The following ABCC10 variants were observed in gnomAD, a reference collection of about 807,000 sequenced individuals.
ABCC10 encodes ATP binding cassette subfamily C member 10.
In ABCC10, 110 loss-of-function variants were observed where a neutral mutation model predicts 143.2. The observed-to-expected ratio is 0.77, with a 90% CI of 0.66 to 0.90. The LOEUF (loss-of-function observed/expected upper bound fraction) is 0.90. Among genes scored for constraint, ABCC10 ranks in the 40% least tolerant of loss-of-function variants. ABCC10 has a pLI of 0.00. For synonymous variants in ABCC10, 805 were observed against 846.7 expected (o/e 0.95, Z 0.85); for missense variants, 1,700 against 1,900.5 (o/e 0.89, Z 1.96).
In ABCC10 at chr6:43,438,636, T is replaced by A. The variant is rs1360725675; in HGVS notation, c.1968T>A (p.His656Gln). ...IAGELHRLRGHVAVRGLSKGF... is the reference protein window; with the variant it reads ...IAGELHRLRGQVAVRGLSKGF... ...TGGCTCTCTGCAGGCTGCGTGGGCA[T>A]GTGGCAGTGCGGGGGCTGTCCAAGG... Residue 656 changes from histidine to glutamine, a missense_variant, in exon 8 of 22, where the codon CAT becomes CAA. Physicochemically the swap from His to Gln is conservative, Grantham distance 24. Coordinates refer to ENST00000372530, the MANE Select transcript of ABCC10 (RefSeq NM_001198934.2). 20 of 1,613,918 alleles carry A rather than the reference T, an allele frequency of 1.2e-5. No homozygotes were observed. Among genetic ancestry groups the A allele is most frequent in the Non-Finnish European group, 1.6e-5 (19 of 1,180,034 alleles).
At chr6:43,450,840 G>C (rs1311019867), downstream of ABCC10, 1 of 1,614,186 alleles carries the variant, frequency 6.2e-7, no homozygotes, top group Non-Finnish European at 8.5e-7. This position sits in a 1 kb window ranked among gnomAD's most constrained non-coding sequence, Gnocchi z 4.5. Context: ...CAGCAGACCA[G>C]CCCCTGCGCT....
At chr6:43,435,037 G>C in intron 4 of ABCC10, 189 bp downstream of exon 4, 4 of 608,864 alleles carry the variant, frequency 6.6e-6, no homozygotes, top group Non-Finnish European at 8.6e-6. Flanking sequence ...CTGTGAAGGA[G>C]TTCCTTTCTT....
chr6:43,449,936 A>G lies in ABCC10; in HGVS notation c.4324A>G (p.Thr1442Ala), dbSNP rs1296210620. The change falls in exon 22 of 22, where the codon ACG becomes GCG. Residue 1442 changes from threonine to alanine, a missense_variant. By Grantham distance (58) the Thr-to-Ala change is moderately conservative. Coordinates refer to ENST00000372530, the MANE Select transcript of ABCC10 (RefSeq NM_001198934.2). ...CCATCTTCCCCCTCACAGGCTCAAC[A>G]CGATCCTGAACTCAGACCGGGTGCT... ...TVLTIAHRLN[T>A]ILNSDRVLVL... is the part of the protein sequence containing the mutation. 1 of 1,613,950 alleles carries G rather than the reference A, an allele frequency of 6.2e-7. No individual in the cohort carries two copies. The highest frequency in any genetic ancestry group is 1.7e-5 in the Admixed American group (1 of 60,010).
intron 18 of ABCC10, 188 bp downstream of exon 18, chr6:43,448,125 T>C (rs990508532): frequency 2.1e-6 from 2 of 933,276 alleles, no homozygotes; most frequent in Non-Finnish European, 3.3e-6. Flanking sequence ...TCATGGCTGG[T>C]GATCTCAAGG....
chr6:43,445,817 C>T lies in ABCC10; in HGVS notation c.3249C>T (p.Arg1083=), dbSNP rs772470267. The change falls in exon 15 of 22, where the codon CGC becomes CGT. Residue 1083 remains arginine (R), a synonymous_variant. Coordinates refer to ENST00000372530, the MANE Select transcript of ABCC10 (RefSeq NM_001198934.2). Reference sequence around the variant, plus strand: ...GCATCATGTACTATCACGTGCAGCGCCACTACAGGGCCTCCTCACGGGAGC... The same window carrying T: ...GCATCATGTACTATCACGTGCAGCGTCACTACAGGGCCTCCTCACGGGAGC... ...PLSIMYYHVQ[R]HYRASSRELR... The T allele has an allele frequency of 7.1e-5, 114 of 1,614,154 alleles. 1 individual carries two copies. In the Middle Eastern group the frequency reaches 9.9e-4, roughly 14 times the overall value.
In ABCC10 at chr6:43,432,733, C is replaced by G; in HGVS notation, c.753C>G (p.Pro251=). The change falls in exon 3 of 22, where the codon CCC becomes CCG. Residue 251 remains proline (P), a synonymous_variant. Coordinates refer to ENST00000372530, the MANE Select transcript of ABCC10 (RefSeq NM_001198934.2). ...AGCCTCAGGACATTTGCCGCCTCCC[C>G]CACAGACTGCAGCCAACCTACCTGG... ...LRQPQDICRL[P]HRLQPTYLAR... is the part of the protein sequence containing the mutation. The G allele has an allele frequency of 6.2e-7, 1 of 1,614,178 alleles. No individual in the cohort carries two copies. The highest frequency in any genetic ancestry group is 8.5e-7 in the Non-Finnish European group (1 of 1,180,030).
rs1781320143 is a variant in ABCC10, at chr6:43,433,168, GAGCTTCCATGA to G, written c.1192_1202del (p.Phe398LeufsTer59). On this transcript the variant is annotated frameshift_variant, in exon 3 of 22. Transcript: ENST00000372530. LOFTEE classifies it high-confidence loss of function. ...CTGAACGGCTGCTTAACTTTGCTGG[GAGCTTCCATGA>G]AGCCTGGGGCCTGCCCCTGCAACTG... The G allele has an allele frequency of 6.2e-7, 1 of 1,613,910 alleles. No individual in the cohort carries two copies. The highest frequency in any genetic ancestry group is 8.5e-7 in the Non-Finnish European group (1 of 1,179,932).
chr6:43,444,077 C>G, intron 11 of ABCC10, 67 bp downstream of exon 11: 1 of 1,606,918 alleles, frequency 6.2e-7, no homozygotes, highest in Middle Eastern at 1.7e-4. Flanking sequence ...TTTTCTACAA[C>G]GGCTGCCCGC....
intron 8 of ABCC10, among the ~76,000 whole-genome samples, chr6:43,439,848 C>T (rs1454324020): frequency 2.0e-5 from 3 of 152,182 alleles, no homozygotes; most frequent in Non-Finnish European, 4.4e-5. Flanking sequence ...TCCCAAGGTG[C>T]TGGGATTACA....
At position 43,438,698 on chromosome 6, in the gene ABCC10, T is replaced by C. The variant is rs771858278; in HGVS notation, c.2030T>C (p.Phe677Ser). 1 of 1,614,200 alleles carries C rather than the reference T, an allele frequency of 6.2e-7. No individual in the cohort carries two copies. The highest frequency in any genetic ancestry group is 2.2e-5 in the East Asian group (1 of 44,886). Reference protein sequence around the residue: ...GLATQEPWIQFATIRDNILFG... With the variant: ...GLATQEPWIQSATIRDNILFG... ...GCCACCCAGGAACCCTGGATCCAGTTTGCCACCATCCGAGACAACATCCTC... is the reference window on the plus strand; with the variant it reads ...GCCACCCAGGAACCCTGGATCCAGTCTGCCACCATCCGAGACAACATCCTC... The change falls in exon 8 of 22, where the codon TTT becomes TCT. Residue 677 changes from phenylalanine to serine, a missense_variant. By Grantham distance (155) the Phe-to-Ser change is radical. Coordinates refer to ENST00000372530, the MANE Select transcript of ABCC10 (RefSeq NM_001198934.2).
Position 43,428,011 on chromosome 6 carries a change from C to T in ABCC10, c.33C>T (p.Ser11=), listed in dbSNP as rs749920515. ...GACTTCTGGCCCAGCTGTGCGGCAG[C>T]AGCGCAGCGTGGCCGCTCCCGCTGT... MERLLAQLCG[S]SAAWPLPLWE... is the part of the protein sequence containing the mutation. The change falls in exon 2 of 22, where the codon AGC becomes AGT. Residue 11 remains serine, a synonymous_variant. Transcript: ENST00000372530. The T allele has an allele frequency of 1.2e-6, 2 of 1,610,640 alleles. No individual in the cohort carries two copies. Among genetic ancestry groups the T allele is most frequent in the South Asian group, 2.2e-5 (2 of 90,660 alleles).
intron 5 of ABCC10, 109 bp from the exon 6 acceptor site, chr6:43,436,029 T>A: frequency 4.4e-6 from 7 of 1,600,884 alleles, no homozygotes; most frequent in East Asian, 2.2e-5. Flanking sequence ...ACAGACTCAT[T>A]TAGCTTTGGG....
rs1783627696 is a variant in ABCC10, at chr6:43,450,305, T to A, written c.*214T>A. 1 of 823,728 alleles carries A rather than the reference T, an allele frequency of 1.2e-6. No individual in the cohort carries two copies. The highest frequency in any genetic ancestry group is 1.7e-5 in the African/African-American group (1 of 57,364). 51.0% of individuals were successfully genotyped at this position (823,728 alleles called of 1,614,324 possible). ...CAGAACCAGGCCTCTGCTCTGGCCCTCTTGCATCTGGAACGCCAGGTGGGT... is the reference window on the plus strand; with the variant it reads ...CAGAACCAGGCCTCTGCTCTGGCCCACTTGCATCTGGAACGCCAGGTGGGT... On this transcript the variant is annotated 3_prime_UTR_variant, in exon 22 of 22. Transcript: ENST00000372530. The surrounding 1 kb of genome is among the most constrained non-coding windows in gnomAD (Gnocchi z 4.5).
In ABCC10 at chr6:43,443,773, G is replaced by A; in HGVS notation, c.2417-160G>A. The A allele has an allele frequency of 2.9e-6, 2 of 700,912 alleles. No individual in the cohort carries two copies. The highest frequency in any genetic ancestry group is 4.1e-4 in the Middle Eastern group (1 of 2,452). 43.4% of individuals were successfully genotyped at this position (700,912 alleles called of 1,614,324 possible). Reference sequence around the variant, plus strand: ...TATCCAGAGCAGGGTGGGTTAGAGAGGGAGGCCTAAGAGTCCTGCTCGAGG... The same window carrying A: ...TATCCAGAGCAGGGTGGGTTAGAGAAGGAGGCCTAAGAGTCCTGCTCGAGG... On this transcript the variant is annotated intron_variant, in intron 10 of 21. Coordinates refer to ENST00000372530, the MANE Select transcript of ABCC10 (RefSeq NM_001198934.2). This position sits in a 1 kb window ranked among gnomAD's most constrained non-coding sequence, Gnocchi z 4.2.
Position 43,427,972 on chromosome 6 carries a change from G to C in ABCC10, c.-7G>C. 1 of 1,612,172 alleles carries C rather than the reference G, an allele frequency of 6.2e-7. No individual in the cohort carries two copies. Among genetic ancestry groups the C allele is most frequent in the Non-Finnish European group, 8.5e-7 (1 of 1,179,592 alleles). On this transcript the variant is annotated 5_prime_UTR_variant, in exon 2 of 22. Transcript: ENST00000372530. ...CACCCTCAACTTTCCCTTCAGGTGA[G>C]GCGTCCATGGAACGACTTCTGGCCC...
At chr6:43,446,822 ACC>A (rs1233478292) in intron 16 of ABCC10, 9 of 1,113,158 alleles carry the variant, frequency 8.1e-6, no homozygotes, top group Middle Eastern at 3.9e-4. Context: ...AGGTCCTATC[ACC>A]CTCCTGCTTC....
intron 15 of ABCC10, 70 bp from the exon 16 acceptor site, chr6:43,446,207 G>A (rs1783052428): frequency 1.3e-6 from 2 of 1,550,420 alleles, no homozygotes; most frequent in African/African-American, 1.4e-5. Context: ...GGCCTTCCCT[G>A]TTGAGGCCCT....
chr6:43,436,147 C>T lies in ABCC10; in HGVS notation c.1775C>T (p.Ala592Val). 2.5e-6 allele frequency: 4 copies of T among 1,614,202 alleles called. No homozygotes were observed. The highest frequency in any genetic ancestry group is 2.5e-6 in the Non-Finnish European group (3 of 1,180,018). Residue 592 changes from alanine to valine, a missense_variant, in exon 6 of 22, where the codon GCA becomes GTA. Coordinates refer to ENST00000372530, the MANE Select transcript of ABCC10 (RefSeq NM_001198934.2). Reference protein sequence around the residue: ...PQAYYSPDPPAEPSTVLELHG... With the variant: ...PQAYYSPDPPVEPSTVLELHG... ...TGGCTTCTCTGTTCAGATCCCCCTG[C>T]AGAGCCATCTACAGTATTGGAGCTG...
intron 20 of ABCC10, 93 bp from the exon 21 acceptor site, chr6:43,449,329 G>A (rs1783495046): frequency 6.7e-7 from 1 of 1,489,782 alleles, no homozygotes; most frequent in Admixed American, 1.9e-5. Context: ...CTGGAAGTGG[G>A]GAGCTGTGGT....
Sources: gnomAD v4.1 joint callset for allele counts (sites outside exome capture counted in the v4.1 genomes callset) on GRCh38, gnomAD v4.1.1 for gene constraint, Gnocchi (gnomAD v3.1) non-coding constraint, MANE v1.5 for transcripts, NCBI Gene and HGNC (gene_info 2026-07-23, HGNC 2026-07-21) for gene names.